Variants in ELAVL4 observed in about 807,000 individuals in gnomAD.
The protein encoded by ELAVL4 is ELAV like RNA binding protein 4, also known as ELAV-like protein 4.
ELAVL4 carries 1 observed loss-of-function variant against 35.6 expected under a neutral mutation model. The ratio of observed to expected loss-of-function variants is 0.03; its 90% CI spans 0.01 to 0.13. The LOEUF is 0.13. ELAVL4 is among the 10% of genes least tolerant of loss of function. ELAVL4 has a pLI of 1.00. For missense variants in ELAVL4, 267 were observed against 464.9 expected, an observed-to-expected ratio of 0.57 and a Z score of 3.91; for synonymous variants, 156 against 171.0, an observed-to-expected ratio of 0.91 and a Z score of 0.69.
chr1:50,179,861 T>C (rs1396654649), intron 3 of ELAVL4: 1 of 152,174 alleles, frequency 6.6e-6, no homozygotes, highest in Non-Finnish European at 1.5e-5. Context: ...TCAGGGAAGG[T>C]TCTGGAAAGC....
intron 1 of ELAVL4, among the ~76,000 whole-genome samples, chr1:50,123,102 T>A (rs954160633): frequency 1.3e-5 from 2 of 152,088 alleles, no homozygotes; most frequent in African/African-American, 4.8e-5. Flanking sequence ...ACAGTCCTCC[T>A]TGGGGTATGT....
intron 2 of ELAVL4, among the ~76,000 whole-genome samples, chr1:50,154,805 T>G (rs1675429794): frequency 6.6e-6 from 1 of 151,766 alleles, no homozygotes; most frequent in African/African-American, 2.4e-5. Flanking sequence ...TTCCTCTTTC[T>G]GCCTTCTTGT....
chr1:50,115,020 TTCTC>T (rs1667704740), intron 1 of ELAVL4: 1 of 151,922 alleles, frequency 6.6e-6, no homozygotes, highest in Admixed American at 6.6e-5. Context: ...GCTGGTGACT[TTCTC>T]TCTCTTTCTC....
At chr1:50,073,962 G>A (rs2148489623) in intron 1 of ELAVL4, among the ~76,000 whole-genome samples, 1 of 152,326 alleles carries the variant, frequency 6.6e-6, no homozygotes, top group Non-Finnish European at 1.5e-5. Flanking sequence ...CTGTGAACTG[G>A]TATTTAGCTA....
intron 1 of ELAVL4, among the ~76,000 whole-genome samples, chr1:50,064,315 G>A (rs976538750): frequency 3.9e-5 from 6 of 152,082 alleles, no homozygotes; most frequent in African/African-American, 1.2e-4. Context: ...TTTTTCCCTG[G>A]CCCCTAAGGG....
chr1:50,177,235 T>C, intron 3 of ELAVL4, 43 bp downstream of exon 3: 1 of 1,457,590 alleles, frequency 6.9e-7, no homozygotes, highest in Middle Eastern at 1.7e-4. Context: ...AGGCTCTGGT[T>C]AAATTTCATT....
chr1:50,061,701 C>G (rs759359350), intron 1 of ELAVL4, among the ~76,000 whole-genome samples: 3 of 152,192 alleles, frequency 2.0e-5, no homozygotes, highest in Non-Finnish European at 4.4e-5. Context: ...CTGGGCGGTC[C>G]TAGCCAATGA....
intron 2 of ELAVL4, among the ~76,000 whole-genome samples, chr1:50,160,777 A>T (rs539430990): frequency 2.4e-4 from 36 of 152,292 alleles, no homozygotes; most frequent in African/African-American, 8.7e-4. Flanking sequence ...GTTTTAATGG[A>T]TTTATATTCT....
Position 50,202,343 on chromosome 1 carries a change from G to A in ELAVL4, c.*1165G>A, listed in dbSNP as rs1045882918. The stretch of plus-strand genomic sequence containing the variant: ...AACTTCCTTAGTTTGAGCAGTAGGT[G>A]CTACAAAATTATTTACATATCTTAG... On this transcript the variant is annotated 3_prime_UTR_variant, in exon 7 of 7. Coordinates refer to ENST00000371824, the MANE Select transcript of ELAVL4 (RefSeq NM_001144774.3). 2.0e-5 allele frequency: 3 copies of A among 152,136 alleles called. No homozygotes were observed. Among genetic ancestry groups the A allele is most frequent in the Non-Finnish European group, 4.4e-5 (3 of 68,016 alleles). 9.4% of individuals were successfully genotyped at this position (152,136 alleles called of 1,614,324 possible).
chr1:50,146,702 A>G (rs1173407303), intron 2 of ELAVL4, among the ~76,000 whole-genome samples: 6 of 152,194 alleles, frequency 3.9e-5, no homozygotes, highest in Non-Finnish European at 5.9e-5. Flanking sequence ...TAATCTTTAT[A>G]TAATAGGATG....
intron 2 of ELAVL4, among the ~76,000 whole-genome samples, chr1:50,148,862 T>C (rs1275474277): frequency 6.6e-6 from 1 of 152,086 alleles, no homozygotes; most frequent in Non-Finnish European, 1.5e-5. Context: ...ACCATTTTGG[T>C]TTTGGTTTTG....
In ELAVL4 at chr1:50,201,241, A is replaced by G. The variant is rs918316507; in HGVS notation, c.*63A>G. 43 of 1,431,094 alleles carry G rather than the reference A, an allele frequency of 3.0e-5. 1 individual carries two copies. Among genetic ancestry groups the G allele is most frequent in the Admixed American group, 1.4e-4 (5 of 36,660 alleles). 88.6% of individuals were successfully genotyped at this position (1,431,094 alleles called of 1,614,324 possible). On this transcript the variant is annotated 3_prime_UTR_variant, in exon 7 of 7. Coordinates refer to ENST00000371824, the MANE Select transcript of ELAVL4 (RefSeq NM_001144774.3). This position sits in a 1 kb window ranked among gnomAD's most constrained non-coding sequence, Gnocchi z 4.3. ...ATATACGAACAAAACACACGCGCGCACACACACACATACACGAAAGAGAGA... is the reference window on the plus strand; with the variant it reads ...ATATACGAACAAAACACACGCGCGCGCACACACACATACACGAAAGAGAGA...
chr1:50,124,804 A>G (rs543083420), intron 1 of ELAVL4, among the ~76,000 whole-genome samples: 11 of 152,174 alleles, frequency 7.2e-5, no homozygotes, highest in South Asian at 6.2e-4. Flanking sequence ...TCCACTCCCT[A>G]TGCCTCAACA....
chr1:50,187,950 C>T (rs1682081192), intron 3 of ELAVL4, among the ~76,000 whole-genome samples: 1 of 152,112 alleles, frequency 6.6e-6, no homozygotes, highest in Non-Finnish European at 1.5e-5. Flanking sequence ...ATAAAATTAG[C>T]TGGGCATGGT....
intron 1 of ELAVL4, among the ~76,000 whole-genome samples, chr1:50,074,016 G>A (rs1235770842): frequency 1.3e-5 from 2 of 152,214 alleles, no homozygotes; most frequent in African/African-American, 4.8e-5. Context: ...TGGTAGGTAA[G>A]GAGAGGTGAG....
At chr1:50,198,102 A>G (rs2148891536) in intron 6 of ELAVL4, among the ~76,000 whole-genome samples, 1 of 152,116 alleles carries the variant, frequency 6.6e-6, no homozygotes, top group Middle Eastern at 3.4e-3. Flanking sequence ...GTTCTTATAA[A>G]TCCTCCCTTG....
At chr1:50,183,244 C>T (rs994660312) in intron 3 of ELAVL4, among the ~76,000 whole-genome samples, 2 of 151,990 alleles carry the variant, frequency 1.3e-5, no homozygotes, top group Non-Finnish European at 2.9e-5. Context: ...AGCTATTACC[C>T]AAAGGATTAA....
At chr1:50,090,526 A>C (rs984793270) in intron 1 of ELAVL4, among the ~76,000 whole-genome samples, 20 of 152,254 alleles carry the variant, frequency 1.3e-4, no homozygotes, top group African/African-American at 4.6e-4. Flanking sequence ...CAACCCTGAA[A>C]TCTCAATGGT....
chr1:50,068,937 G>T (rs1664389357), intron 1 of ELAVL4, among the ~76,000 whole-genome samples: 2 of 152,142 alleles, frequency 1.3e-5, no homozygotes, highest in South Asian at 2.1e-4. Context: ...TTTAAACAGG[G>T]TATGGTAACT....
Sources: allele counts gnomAD v4.1 joint callset (sites outside exome capture counted in the v4.1 genomes callset), GRCh38; gene constraint gnomAD v4.1.1; non-coding constraint Gnocchi (gnomAD v3.1); transcripts MANE v1.5; gene names NCBI Gene and HGNC (gene_info 2026-07-23, HGNC 2026-07-21).